Variants in WNT3A observed in about 807,000 individuals in gnomAD.
WNT3A encodes the protein protein Wnt-3a.
A neutral mutation model predicts 37.0 loss-of-function variants in WNT3A; 17 were observed. That is an observed-to-expected ratio of 0.46 (90% CI 0.31 to 0.69). The LOEUF is 0.69. Among genes scored for constraint, WNT3A ranks in the 30% least tolerant of loss-of-function variants. The pLI is 0.05. For missense variants in WNT3A, 411 were observed against 510.2 expected (o/e 0.81, Z 1.87); for synonymous variants, 187 against 211.0 (o/e 0.89, Z 0.99).
In WNT3A at chr1:228,050,818, T is replaced by A; in HGVS notation, c.476T>A (p.Ile159Asn). 6.2e-7 allele frequency: 1 copy of A among 1,612,100 alleles called. No homozygotes were observed. Among genetic ancestry groups the A allele is most frequent in the East Asian group, 2.2e-5 (1 of 44,764 alleles). ...GWKWGGCSED[I>N]EFGGMVSREF... ...AAGTGGGGTGGCTGTAGCGAGGACA[T>A]CGAGTTTGGTGGGATGGTGTCTCGG... is the stretch of plus-strand genomic sequence containing the variant. Residue 159 changes from isoleucine to asparagine, a missense_variant, in exon 3 of 4, where the codon ATC becomes AAC. Transcript: ENST00000284523. The surrounding 1 kb of genome is among the most constrained non-coding windows in gnomAD (Gnocchi z 5.0).
intron 1 of WNT3A, among the ~76,000 whole-genome samples, chr1:228,016,725 C>A (rs913844701): frequency 1.3e-5 from 2 of 152,126 alleles, no homozygotes; most frequent in African/African-American, 4.8e-5. Context: ...GCAGGCTGTA[C>A]AAGCATGGCA....
chr1:228,045,517 G>T (rs1029983214), intron 2 of WNT3A, among the ~76,000 whole-genome samples: 6 of 152,166 alleles, frequency 3.9e-5, no homozygotes, highest in Admixed American at 3.9e-4. Flanking sequence ...GGGAGGGGAC[G>T]ACCTGAGTCC....
intron 1 of WNT3A, among the ~76,000 whole-genome samples, chr1:228,019,500 C>A (rs776773896): frequency 5.9e-5 from 9 of 152,260 alleles, no homozygotes; most frequent in Non-Finnish European, 1.3e-4. Flanking sequence ...TTGCTCACTT[C>A]CCTGGCTGTA....
chr1:228,043,420 C>T (rs928965043), intron 2 of WNT3A, among the ~76,000 whole-genome samples: 1 of 152,166 alleles, frequency 6.6e-6, no homozygotes, highest in African/African-American at 2.4e-5. Context: ...TGTCCCATTC[C>T]AGTGGGAACT....
chr1:228,051,567 C>T (rs1376131773), intron 3 of WNT3A, among the ~76,000 whole-genome samples: 1 of 152,176 alleles, frequency 6.6e-6, no homozygotes, highest in Admixed American at 6.5e-5. Context: ...GGTCATGGTA[C>T]TAGCAGATAC....
In WNT3A at chr1:228,042,184, G is replaced by T. The variant is rs138090149; in HGVS notation, c.314-8472G>T. ...AGTAGAGACGGGGTTTCACCATGTT[G>T]GCCAGGATGGTCTCAATCTCTTGAC... On this transcript the variant is annotated intron_variant, in intron 2 of 3. Coordinates refer to ENST00000284523, the MANE Select transcript of WNT3A (RefSeq NM_033131.4). This position sits in a 1 kb window ranked among gnomAD's most constrained non-coding sequence, Gnocchi z 5.2. Among the ~76,000 whole-genome samples the T allele has an allele frequency of 6.6e-6, 1 of 152,046 alleles. No homozygotes were observed. The highest frequency in any genetic ancestry group is 1.5e-5 in the Non-Finnish European group (1 of 68,014).
At position 228,060,312 on chromosome 1, in the gene WNT3A, C is replaced by T. The variant is rs1411855258; in HGVS notation, c.*847C>T. The T allele has an allele frequency of 7.4e-7, 1 of 1,350,238 alleles. No homozygotes were observed. The allele number at this position is 1,350,238 out of a possible 1,614,324, so 83.6% of individuals were successfully genotyped here. A position where few individuals can be genotyped will look rare whatever the true frequency, so the allele number is the denominator to read the frequency against. On this transcript the variant is annotated 3_prime_UTR_variant, in exon 4 of 4. Transcript: ENST00000284523. ...GCTGGGAAGGTTCCATGAAGCGAGT[C>T]GGGTCCCCAACCCGTGCCCCTGGGA...
At chr1:228,047,552 G>A (rs2031452916) in intron 2 of WNT3A, among the ~76,000 whole-genome samples, 1 of 152,154 alleles carries the variant, frequency 6.6e-6, no homozygotes, top group African/African-American at 2.4e-5. Flanking sequence ...CTGCTGTCTC[G>A]GTCCTCTCCT....
intron 1 of WNT3A, among the ~76,000 whole-genome samples, chr1:228,018,407 A>T (rs1571794671): frequency 6.8e-6 from 1 of 147,598 alleles, no homozygotes; most frequent in Non-Finnish European, 1.5e-5. Flanking sequence ...TGCAATTTAG[A>T]TTTTTTTTTT....
chr1:228,026,906 G>A (rs545393158), intron 2 of WNT3A, among the ~76,000 whole-genome samples: 9 of 152,286 alleles, frequency 5.9e-5, no homozygotes, highest in Non-Finnish European at 7.4e-5. Context: ...GCAGCGGTGC[G>A]ATCTCGGCTC....
intron 1 of WNT3A, among the ~76,000 whole-genome samples, chr1:228,013,500 C>T (rs2030437453): frequency 6.6e-6 from 1 of 152,214 alleles, no homozygotes; most frequent in African/African-American, 2.4e-5. Context: ...CCTGCTGGGA[C>T]TCGTTCAAAG....
Position 228,058,975 on chromosome 1 carries a change from G to C in WNT3A, c.580-11G>C. ...GCCGCCCTGACGCTGGCTCCTGCGC[G>C]TGCCCCGCAGGCCATCGCCAGCCAC... is the stretch of plus-strand genomic sequence containing the variant. On this transcript the variant is annotated splice_polypyrimidine_tract_variant and intron_variant, in intron 3 of 3. Coordinates refer to ENST00000284523, the MANE Select transcript of WNT3A (RefSeq NM_033131.4). 1.2e-6 allele frequency: 2 copies of C among 1,601,320 alleles called. No individual in the cohort carries two copies. Among genetic ancestry groups the C allele is most frequent in the Non-Finnish European group, 1.7e-6 (2 of 1,173,418 alleles).
intron 3 of WNT3A, among the ~76,000 whole-genome samples, chr1:228,053,054 C>T (rs1343173385): frequency 6.6e-6 from 1 of 152,218 alleles, no homozygotes; most frequent in African/African-American, 2.4e-5. Context: ...CTCTCTCTCT[C>T]TCTCTTTCTA....
chr1:228,053,450 C>T (rs187037690), intron 3 of WNT3A, among the ~76,000 whole-genome samples: 18 of 152,292 alleles, frequency 1.2e-4, no homozygotes, highest in African/African-American at 3.1e-4. Context: ...AAAGCACTCA[C>T]ATTGAAAGAG....
Position 228,060,247 on chromosome 1 carries a change from TCC to T in WNT3A, c.*785_*786del, listed in dbSNP as rs1311252323. ...GAAATTCAGCCCACCAGCCACCTCATCCCCAACCCCCTGTAAGGTTCCATCCA... is the reference window on the plus strand; with the variant it reads ...GAAATTCAGCCCACCAGCCACCTCATCCAACCCCCTGTAAGGTTCCATCCA... On this transcript the variant is annotated 3_prime_UTR_variant, in exon 4 of 4. Coordinates refer to ENST00000284523, the MANE Select transcript of WNT3A (RefSeq NM_033131.4). 1.5e-6 allele frequency: 2 copies of T among 1,351,548 alleles called. No individual in the cohort carries two copies. 83.7% of individuals were successfully genotyped at this position (1,351,548 alleles called of 1,614,324 possible). A position where few individuals can be genotyped will look rare whatever the true frequency, so the allele number is the denominator to read the frequency against.
intron 1 of WNT3A, among the ~76,000 whole-genome samples, chr1:228,016,892 G>A (rs758715455): frequency 5.3e-5 from 8 of 152,108 alleles, no homozygotes; most frequent in Non-Finnish European, 1.2e-4. Context: ...CCTCATTACC[G>A]CAGGGAGGGC....
chr1:228,057,999 A>C (rs1043384849), intron 3 of WNT3A, among the ~76,000 whole-genome samples: 1 of 151,888 alleles, frequency 6.6e-6, no homozygotes, highest in African/African-American at 2.4e-5. Flanking sequence ...ACCACGCCTA[A>C]TTTTTGTATT....
chr1:228,046,533 G>A (rs2031411566), intron 2 of WNT3A, among the ~76,000 whole-genome samples: 1 of 151,234 alleles, frequency 6.6e-6, no homozygotes, highest in African/African-American at 2.4e-5. Flanking sequence ...TGTATGTGTT[G>A]TGTGGTGTGT....
intron 2 of WNT3A, among the ~76,000 whole-genome samples, chr1:228,030,327 C>T (rs930179078): frequency 9.4e-5 from 14 of 148,814 alleles, no homozygotes; most frequent in African/African-American, 2.7e-4. Context: ...ACCTGGGAGG[C>T]GGAGGTTTTA....
Sources: gnomAD v4.1 joint callset for allele counts (sites outside exome capture counted in the v4.1 genomes callset) on GRCh38, gnomAD v4.1.1 for gene constraint, Gnocchi (gnomAD v3.1) non-coding constraint, MANE v1.5 for transcripts, NCBI Gene and HGNC (gene_info 2026-07-23, HGNC 2026-07-21) for gene names.